Variants in GALK2 observed in about 807,000 individuals in gnomAD.
GALK2 encodes the protein N-acetylgalactosamine kinase.
Under a neutral mutation model 52.4 loss-of-function variants are expected in GALK2, and 36 were observed. The observed-to-expected ratio is 0.69, with a 90% CI of 0.53 to 0.91. The LOEUF is 0.91. GALK2 is among the 40% of genes least tolerant of loss of function. The probability of loss-of-function intolerance (pLI) is 0.00; values close to 1 mark genes in which losing one functional copy is unlikely to be tolerated. For synonymous variants in GALK2, 176 were observed against 199.1 expected, an observed-to-expected ratio of 0.88 and a Z score of 0.98; for missense variants, 579 against 559.1, an observed-to-expected ratio of 1.04 and a Z score of -0.36.
intron 1 of GALK2, among the ~76,000 whole-genome samples, chr15:49,175,894 C>G (rs922254467): frequency 6.6e-6 from 1 of 152,122 alleles, no homozygotes; most frequent in Non-Finnish European, 1.5e-5. Context: ...TCAAGTACCC[C>G]CTGCTTGCTC....
At chr15:49,348,249 A>G (rs1160486246) in intron 3 of GALK2, among the ~76,000 whole-genome samples, 7 of 152,122 alleles carry the variant, frequency 4.6e-5, no homozygotes, top group Admixed American at 6.5e-5. Flanking sequence ...ATTATTTTCA[A>G]TCACCCCTCT....
rs139485976 is a variant in GALK2 at position 49,327,981 on chromosome 15, C to G, written c.1199C>G (p.Thr400Ser). The G allele has an allele frequency of 3.2e-5, 51 of 1,613,638 alleles. No homozygotes were observed. In the African/African-American group the frequency reaches 5.7e-4, roughly 18 times the overall value. ...TTTGGGGCTCAAGGGTCACGACTTA[C>G]TGGAGCAGGATGGGGAGGCTGCACA... ...RKFGAQGSRL[T>S]GAGWGGCTVS... Residue 400 changes from threonine (T) to serine (S), a missense_variant, in exon 10 of 10, where the codon ACT becomes AGT. Thr to Ser is a moderately conservative substitution (Grantham distance 58). Coordinates refer to ENST00000560031, the MANE Select transcript of GALK2 (RefSeq NM_002044.4).
intron 3 of GALK2, among the ~76,000 whole-genome samples, chr15:49,224,812 C>T (rs1053637636): frequency 1.3e-5 from 2 of 152,064 alleles, no homozygotes; most frequent in Admixed American, 6.6e-5. Context: ...TTCACTGATT[C>T]TCCTCTGAGA....
intron 3 of GALK2, chr15:49,367,369 C>CAATTGAGAAACA: frequency 4.9e-6 from 6 of 1,236,426 alleles, no homozygotes; most frequent in Non-Finnish European, 6.6e-6. Context: ...ATTTGTTTCT[C>CAATTGAGAAACA]AATTGAGACA....
intron 1 of GALK2, among the ~76,000 whole-genome samples, chr15:49,194,778 A>G (rs1267167175): frequency 6.6e-6 from 1 of 151,130 alleles, no homozygotes; most frequent in Non-Finnish European, 1.5e-5. Context: ...TATTTATACT[A>G]GATACAGGGT....
In GALK2 at chr15:49,331,820, T is replaced by C; in HGVS notation, c.*3661T>C. The C allele has an allele frequency of 6.2e-7, 1 of 1,610,362 alleles. No individual in the cohort carries two copies. Among genetic ancestry groups the C allele is most frequent in the Non-Finnish European group, 8.5e-7 (1 of 1,176,630 alleles). ...CTTCTCAAAGTCCTGTTTCACTTCA[T>C]GAGGTTTCTTGGTAGCCTTTGCTTG... On this transcript the variant is annotated 3_prime_UTR_variant, in exon 10 of 10. Transcript: ENST00000560031.
At position 49,364,852 on chromosome 15, in the gene GALK2, A is replaced by AT. The variant is rs555116055; in HGVS notation, c.427-2628dup. Among the ~76,000 whole-genome samples the AT allele has an allele frequency of 1.3e-3, 199 of 148,436 alleles. No homozygotes were observed. In the South Asian group the frequency reaches 0.016, roughly 12 times the overall value. ...AAAAAGCATAGGGATGGGTCAAGGCATTTTTTTTTTTAAGAAAAATATACT... is the reference window on the plus strand; with the variant it reads ...AAAAAGCATAGGGATGGGTCAAGGCATTTTTTTTTTTTAAGAAAAATATACT... On this transcript the variant is annotated intron_variant, in intron 3 of 3. Coordinates refer to the GALK2 transcript ENST00000558399.
At position 49,315,634 on chromosome 15, in the gene GALK2, C is replaced by A. The variant is rs1055243351; in HGVS notation, c.968-3970C>A. Among the ~76,000 whole-genome samples, 16 of 152,312 alleles carry A rather than the reference C, an allele frequency of 1.1e-4. 1 individual carries two copies. The highest frequency in any genetic ancestry group is 3.8e-4 in the African/African-American group (16 of 41,578). Reference sequence around the variant, plus strand: ...TTTATATCACAATTGAAAACAGATGCCCTTTCTGCCCTTTCCCTTGTTGTC... The same window carrying A: ...TTTATATCACAATTGAAAACAGATGACCTTTCTGCCCTTTCCCTTGTTGTC... On this transcript the variant is annotated intron_variant, in intron 8 of 9. Transcript: ENST00000560031.
chr15:49,267,798 CAAAG>C (rs1296213870), intron 5 of GALK2, among the ~76,000 whole-genome samples: 1 of 151,798 alleles, frequency 6.6e-6, no homozygotes, highest in Non-Finnish European at 1.5e-5. Flanking sequence ...ATATTTTTAT[CAAAG>C]AAGGAAGTTG....
chr15:49,157,732 T>C (rs2084508604), intron 1 of GALK2, among the ~76,000 whole-genome samples: 1 of 152,118 alleles, frequency 6.6e-6, no homozygotes, highest in African/African-American at 2.4e-5. Context: ...GAGAACAGGA[T>C]CATTGGAAGG....
chr15:49,295,031 T>G (rs1435689156), intron 8 of GALK2, among the ~76,000 whole-genome samples: 1 of 152,138 alleles, frequency 6.6e-6, no homozygotes, highest in African/African-American at 2.4e-5. Flanking sequence ...TGCTCTATAC[T>G]CTATACTGAA....
At chr15:49,204,193 GT>G (rs1337280472) in intron 2 of GALK2, among the ~76,000 whole-genome samples, 1 of 151,450 alleles carries the variant, frequency 6.6e-6, no homozygotes, top group Non-Finnish European at 1.5e-5. Context: ...CTGTATGTCT[GT>G]TTTTACGCCA....
In GALK2 at chr15:49,217,223, T is replaced by C. The variant is rs2089451899; in HGVS notation, c.176T>C (p.Leu59Pro). ...ATAGATTATTGTGGATATTCTGTTCTTCCTATGGCTGTAGAACAAGATGTG... is the reference window on the plus strand; with the variant it reads ...ATAGATTATTGTGGATATTCTGTTCCTCCTATGGCTGTAGAACAAGATGTG... ...EHIDYCGYSVLPMAVEQDVLI... is the reference protein window; with the variant it reads ...EHIDYCGYSVPPMAVEQDVLI... Residue 59 changes from leucine to proline, a missense_variant, in exon 3 of 10, where the codon CTT (leucine) becomes CCT (proline). By Grantham distance (98) the Leu-to-Pro change is moderately conservative. Transcript: ENST00000560031. 1 of 1,612,268 alleles carries C rather than the reference T, an allele frequency of 6.2e-7. No homozygotes were observed. Among genetic ancestry groups the C allele is most frequent in the Non-Finnish European group, 8.5e-7 (1 of 1,178,420 alleles).
Position 49,328,954 on chromosome 15 carries a change from A to G in GALK2, c.*795A>G. 1.8e-6 allele frequency: 2 copies of G among 1,096,348 alleles called. No homozygotes were observed. The highest frequency in any genetic ancestry group is 1.1e-6 in the Non-Finnish European group (1 of 895,392). 67.9% of individuals were successfully genotyped at this position (1,096,348 alleles called of 1,614,324 possible). ...TTAAGACTCTTCTATTCACATTGAAATAAAGAATTATCTAGATGATAATTC... is the reference window on the plus strand; with the variant it reads ...TTAAGACTCTTCTATTCACATTGAAGTAAAGAATTATCTAGATGATAATTC... On this transcript the variant is annotated 3_prime_UTR_variant, in exon 10 of 10. Coordinates refer to ENST00000560031, the MANE Select transcript of GALK2 (RefSeq NM_002044.4).
intron 2 of GALK2, among the ~76,000 whole-genome samples, chr15:49,208,223 G>C (rs1004660153): frequency 4.6e-5 from 7 of 152,078 alleles, no homozygotes; most frequent in African/African-American, 1.7e-4. Flanking sequence ...TGTTTCTTTA[G>C]TTTGTTGAGG....
rs1448091838 is a variant in GALK2 at position 49,328,154 on chromosome 15, G to T, written c.1372G>T (p.Ala458Ser). 1 of 1,612,674 alleles carries T rather than the reference G, an allele frequency of 6.2e-7. No homozygotes were observed. The highest frequency in any genetic ancestry group is 8.5e-7 in the Non-Finnish European group (1 of 1,179,386). ...PGGGALVLLE[A>S] ...AGGTGGGGCTTTGGTTTTGCTTGAG[G>T]CCTGAAAAAATGTAAAAAGTCTGAG... Residue 458 changes from alanine to serine, a missense_variant, in exon 10 of 10, where the codon GCC (alanine) becomes TCC (serine). Coordinates refer to ENST00000560031, the MANE Select transcript of GALK2 (RefSeq NM_002044.4).
intron 2 of GALK2, among the ~76,000 whole-genome samples, chr15:49,208,960 T>C (rs1318567516): frequency 1.3e-5 from 2 of 152,236 alleles, no homozygotes; most frequent in Non-Finnish European, 2.9e-5. Context: ...TTTTGTCTAA[T>C]ATAAGAATGG....
At chr15:49,157,003 A>C (rs1015195184) in intron 1 of GALK2, among the ~76,000 whole-genome samples, 1 of 152,222 alleles carries the variant, frequency 6.6e-6, no homozygotes, top group Non-Finnish European at 1.5e-5. Flanking sequence ...TGAATTTTCA[A>C]GATTGCCATA....
At chr15:49,192,412 A>G (rs1261984357) in intron 1 of GALK2, among the ~76,000 whole-genome samples, 2 of 148,546 alleles carry the variant, frequency 1.3e-5, no homozygotes, top group South Asian at 4.2e-4. Context: ...ACATTCTCCT[A>G]TGTAAGAGTG....
Sources: gnomAD v4.1 joint callset for allele counts (sites outside exome capture counted in the v4.1 genomes callset) on GRCh38, gnomAD v4.1.1 for gene constraint, MANE v1.5 for transcripts, NCBI Gene and HGNC (gene_info 2026-07-23, HGNC 2026-07-21) for gene names.